The following PTGER3 variants were observed in gnomAD, a reference collection of about 807,000 sequenced individuals.
PTGER3 encodes the protein prostaglandin E receptor 3, also known as prostaglandin E2 receptor EP3 subtype.
Under a neutral mutation model 34.7 loss-of-function variants are expected in PTGER3, and 22 were observed. The observed-to-expected ratio is 0.63, with a 90% CI of 0.45 to 0.91. The LOEUF is 0.91. PTGER3 is among the 40% of genes least tolerant of loss of function. The probability of loss-of-function intolerance (pLI) is 0.00; values close to 1 mark genes in which losing one functional copy is unlikely to be tolerated. For synonymous variants in PTGER3, 241 were observed against 230.1 expected (o/e 1.05, Z -0.43); for missense variants, 468 against 519.4 (o/e 0.90, Z 0.96).
chr1:71,017,816 A>T (rs1658046512), intron 1 of PTGER3, among the ~76,000 whole-genome samples: 2 of 152,172 alleles, frequency 1.3e-5, no homozygotes, highest in African/African-American at 4.8e-5. Context: ...CCAGGCTGGA[A>T]TGCAGTGGTG....
chr1:70,876,280 G>C (rs1252250393), intron 4 of PTGER3, among the ~76,000 whole-genome samples: 1 of 148,336 alleles, frequency 6.7e-6, no homozygotes, highest in African/African-American at 2.5e-5. Context: ...CTTTTTAATG[G>C]GTTTTTTTTT....
At chr1:70,906,145 A>G (rs1347729710) in intron 4 of PTGER3, among the ~76,000 whole-genome samples, 2 of 152,182 alleles carry the variant, frequency 1.3e-5, no homozygotes, top group African/African-American at 4.8e-5. Flanking sequence ...AGGCCTCCGC[A>G]GCCATGTGGA....
downstream of PTGER3, among the ~76,000 whole-genome samples, chr1:70,969,488 T>C (rs982737280): frequency 2.0e-5 from 3 of 152,134 alleles, no homozygotes; most frequent in Non-Finnish European, 4.4e-5. Context: ...CTCTCCACCA[T>C]GAATTACAGT....
At chr1:71,025,197 C>T (rs901894495) in intron 1 of PTGER3, among the ~76,000 whole-genome samples, 1 of 138,698 alleles carries the variant, frequency 7.2e-6, no homozygotes, top group Non-Finnish European at 1.6e-5. Context: ...TTCCTTCCTT[C>T]TTATTATAAT....
At chr1:70,957,223 A>G (rs1385229403) in intron 2 of PTGER3, among the ~76,000 whole-genome samples, 1 of 152,174 alleles carries the variant, frequency 6.6e-6, no homozygotes, top group Admixed American at 6.5e-5. Context: ...AATGGGCATC[A>G]TCTGATTTCC....
intron 1 of PTGER3, among the ~76,000 whole-genome samples, chr1:71,025,705 G>A (rs916452425): frequency 2.6e-5 from 4 of 152,202 alleles, no homozygotes; most frequent in African/African-American, 9.6e-5. Context: ...TGAGGTGAGT[G>A]AGTTGCAGGA....
At chr1:70,909,464 T>G (rs756928506) in intron 4 of PTGER3, among the ~76,000 whole-genome samples, 15 of 152,204 alleles carry the variant, frequency 9.9e-5, no homozygotes, top group Non-Finnish European at 1.8e-4. Flanking sequence ...TGAATTTACA[T>G]GGAAGGAGTA....
intron 4 of PTGER3, among the ~76,000 whole-genome samples, chr1:70,935,029 T>C (rs1649073199): frequency 6.6e-6 from 1 of 152,126 alleles, no homozygotes; most frequent in South Asian, 2.1e-4. Context: ...TGAAGTTACA[T>C]GTGGTTTATA....
chr1:70,877,496 T>A (rs1198695561), intron 4 of PTGER3, among the ~76,000 whole-genome samples: 2 of 152,154 alleles, frequency 1.3e-5, no homozygotes, highest in East Asian at 3.9e-4. Flanking sequence ...CTATCTTAAA[T>A]AGGGGTGGTG....
chr1:70,858,919 A>C (rs1645868475), intron 4 of PTGER3, among the ~76,000 whole-genome samples: 1 of 152,240 alleles, frequency 6.6e-6, no homozygotes, highest in Admixed American at 6.5e-5. Context: ...ATGGAAGTTT[A>C]AACATTATTA....
At chr1:70,915,762 T>C (rs977973977) in intron 4 of PTGER3, among the ~76,000 whole-genome samples, 5 of 152,002 alleles carry the variant, frequency 3.3e-5, no homozygotes, top group Non-Finnish European at 7.4e-5. Context: ...TGATTGTAGA[T>C]GTGCAGCTTT....
At chr1:70,941,985 C>G (rs990593669) in intron 4 of PTGER3, among the ~76,000 whole-genome samples, 8 of 152,066 alleles carry the variant, frequency 5.3e-5, no homozygotes, top group African/African-American at 1.4e-4. Flanking sequence ...ACTGTGATGA[C>G]GACAGCTCCT....
At chr1:70,876,281 GTT>G (rs202101787) in intron 4 of PTGER3, among the ~76,000 whole-genome samples, 5 of 132,222 alleles carry the variant, frequency 3.8e-5, no homozygotes, top group South Asian at 2.4e-4. Flanking sequence ...TTTTTAATGG[GTT>G]TTTTTTTTTT....
intron 1 of PTGER3, among the ~76,000 whole-genome samples, chr1:71,035,461 T>C (rs1373048275): frequency 1.3e-5 from 2 of 152,186 alleles, no homozygotes; most frequent in African/African-American, 4.8e-5. Context: ...CTCTCACCGA[T>C]TCTAGGCCAA....
rs186268745 is a variant in PTGER3, at chr1:70,862,873, G to T, written c.*24-10014C>A. ...GGGAACAAACAGCGGATAACTGAATGGTTCTTAGCAGGAGGATGGCACAAT... is the reference window on the plus strand; with the variant it reads ...GGGAACAAACAGCGGATAACTGAATTGTTCTTAGCAGGAGGATGGCACAAT... On this transcript the variant is annotated intron_variant, in intron 4 of 4. Transcript: ENST00000370931. Among the ~76,000 whole-genome samples the T allele has an allele frequency of 1.6e-4, 25 of 152,222 alleles. No homozygotes were observed. The East Asian group carries it at 4.1e-3, about 25-fold the overall frequency.
chr1:70,896,935 C>A lies in PTGER3; in HGVS notation c.*24-44076G>T, dbSNP rs757437167. Among the ~76,000 whole-genome samples, 81 of 152,140 alleles carry A rather than the reference C, an allele frequency of 5.3e-4. 1 individual carries two copies. The highest frequency in any genetic ancestry group is 5.9e-4 in the Non-Finnish European group (40 of 68,030). ...TACTCTAAATGCGGACGCTGGATTT[C>A]TTTCCCTGTAGTTTGAGTAGGAGTA... On this transcript the variant is annotated intron_variant, in intron 4 of 4. Transcript: ENST00000370931.
intron 1 of PTGER3, among the ~76,000 whole-genome samples, chr1:71,039,112 G>A (rs1660069474): frequency 6.6e-6 from 1 of 152,176 alleles, no homozygotes; most frequent in African/African-American, 2.4e-5. Context: ...AGGTGGGGAG[G>A]GGAACTGTTC....
intron 4 of PTGER3, among the ~76,000 whole-genome samples, chr1:70,945,359 A>C (rs1650129687): frequency 6.6e-6 from 1 of 152,092 alleles, no homozygotes; most frequent in Non-Finnish European, 1.5e-5. Context: ...ACTGTCATTC[A>C]TGGCTTTTGC....
intron 4 of PTGER3, among the ~76,000 whole-genome samples, chr1:70,911,441 A>G (rs1220919010): frequency 3.3e-5 from 5 of 152,082 alleles, no homozygotes; most frequent in African/African-American, 1.2e-4. Context: ...TTTCTCCCCA[A>G]GTTTTAGAAA....
Sources: gnomAD v4.1 joint callset for allele counts (sites outside exome capture counted in the v4.1 genomes callset) on GRCh38, gnomAD v4.1.1 for gene constraint, MANE v1.5 for transcripts, NCBI Gene and HGNC (gene_info 2026-07-23, HGNC 2026-07-21) for gene names.